The following DIP2A variants were observed in gnomAD, a reference collection of about 807,000 sequenced individuals.
DIP2A encodes the protein DIP2 acetate--CoA ligase A, also known as disco-interacting protein 2 homolog A.
DIP2A carries 85 observed loss-of-function variants against 177.4 expected under a neutral mutation model. The ratio of observed to expected loss-of-function variants is 0.48; its 90% CI spans 0.40 to 0.57. The LOEUF (loss-of-function observed/expected upper bound fraction) is 0.57, where lower values mean the gene tolerates loss of function less well. Among genes scored for constraint, DIP2A ranks in the 20% least tolerant of loss-of-function variants. The probability of loss-of-function intolerance (pLI) is 0.00; values close to 1 mark genes in which losing one functional copy is unlikely to be tolerated. For missense variants in DIP2A, 1,791 were observed against 2,100.2 expected, an observed-to-expected ratio of 0.85 and a Z score of 2.88; for synonymous variants, 886 against 881.8, an observed-to-expected ratio of 1.00 and a Z score of -0.08.
chr21:46,555,700 C>T, intron 28 of DIP2A: 1 of 450,264 alleles, frequency 2.2e-6, no homozygotes, highest in South Asian at 2.2e-5. Flanking sequence ...CTAATCTTTC[C>T]TACTGGTCAG....
chr21:46,496,687 A>G (rs11702701), intron 3 of DIP2A, among the ~76,000 whole-genome samples: 72,057 of 152,090 alleles, frequency 0.47, 18,399 homozygotes, highest in African/African-American at 0.67. Flanking sequence ...TTGAACAAGC[A>G]TGGTTTAAAC....
chr21:46,533,430 G>A, intron 10 of DIP2A, 94 bp from the exon 11 acceptor site: 2 of 1,432,710 alleles, frequency 1.4e-6, no homozygotes, highest in Non-Finnish European at 1.9e-6. Flanking sequence ...ATGAAAAAAA[G>A]ATCTGTTCTC....
Position 46,563,562 on chromosome 21 carries a change from C to T in DIP2A, c.4090-296C>T, listed in dbSNP as rs946445909. 1.4e-4 allele frequency: 52 copies of T among 370,170 alleles called. No individual in the cohort carries two copies. Among genetic ancestry groups the T allele is most frequent in the Middle Eastern group, 8.4e-4 (1 of 1,188 alleles). 22.9% of individuals were successfully genotyped at this position (370,170 alleles called of 1,614,324 possible). A position where few individuals can be genotyped will look rare whatever the true frequency, so the allele number is the denominator to read the frequency against. ...CCCCTGGATGGATGCCCATCAGGTG[C>T]GCTGGCATCACCTGGCTGATTGTCT... On this transcript the variant is annotated intron_variant, in intron 34 of 37. Transcript: ENST00000417564. The surrounding 1 kb of genome is among the most constrained non-coding windows in gnomAD (Gnocchi z 4.3).
intron 1 of DIP2A, among the ~76,000 whole-genome samples, chr21:46,467,092 C>T (rs985216537): frequency 6.6e-6 from 1 of 151,436 alleles, no homozygotes; most frequent in Non-Finnish European, 1.5e-5. Flanking sequence ...GTCAGGAGGT[C>T]GAGACCATCC....
chr21:46,485,820 C>G (rs902399973), intron 2 of DIP2A, among the ~76,000 whole-genome samples: 14 of 151,932 alleles, frequency 9.2e-5, no homozygotes, highest in African/African-American at 2.7e-4. Flanking sequence ...CGCCTGTAAT[C>G]CCAGCACTTT....
At chr21:46,545,784 G>A (rs888439332) in intron 19 of DIP2A, 97 bp from the exon 20 acceptor site, 18 of 1,392,648 alleles carry the variant, frequency 1.3e-5, no homozygotes, top group Admixed American at 5.3e-5. Context: ...GCCAGCAGGC[G>A]CACACGTGGT....
chr21:46,500,777 C>T (rs1199601392), intron 5 of DIP2A, among the ~76,000 whole-genome samples: 3 of 152,220 alleles, frequency 2.0e-5, no homozygotes, highest in Admixed American at 6.5e-5. Flanking sequence ...AAGCATTGAA[C>T]TCTAATGTGT....
At chr21:46,577,119 T>C in the DIP2A span, among the ~76,000 whole-genome samples, 1 of 152,254 alleles carries the variant, frequency 6.6e-6, no homozygotes, top group Admixed American at 6.5e-5. Flanking sequence ...GTGCAGAGGC[T>C]CTTCAGTTTA....
the DIP2A span, among the ~76,000 whole-genome samples, chr21:46,579,417 A>ATT: frequency 2.6e-5 from 4 of 151,736 alleles, no homozygotes; most frequent in Non-Finnish European, 4.4e-5. Flanking sequence ...GGATTCGTTG[A>ATT]TTTTTTTTGA....
intron 36 of DIP2A, among the ~76,000 whole-genome samples, chr21:46,566,304 G>A (rs1054044509): frequency 3.9e-5 from 6 of 152,178 alleles, no homozygotes; most frequent in African/African-American, 9.7e-5. Flanking sequence ...ATGGTGTCCC[G>A]TTCACAGAGA....
Position 46,515,825 on chromosome 21 carries a change from C to T in DIP2A, c.1102+4211C>T, listed in dbSNP as rs542827788. On this transcript the variant is annotated intron_variant, in intron 8 of 37. Transcript: ENST00000417564. Reference sequence around the variant, plus strand: ...TGCTGGGATTACAGGCGTGAGCTCCCATGCCCGGCCCATTGTTTTTTGTTT... The same window carrying T: ...TGCTGGGATTACAGGCGTGAGCTCCTATGCCCGGCCCATTGTTTTTTGTTT... 2.0e-4 allele frequency among the ~76,000 whole-genome samples: 30 copies of T among 152,300 alleles called. 1 individual carries two copies. The South Asian group carries it at 6.2e-3, about 32-fold the overall frequency.
chr21:46,565,680 A>G (rs769658045), intron 35 of DIP2A, 33 bp from the exon 36 acceptor site: 15 of 1,588,712 alleles, frequency 9.4e-6, no homozygotes, highest in Non-Finnish European at 1.3e-5. Context: ...GTGGTTGGTA[A>G]CACATCACAT....
At position 46,537,576 on chromosome 21, in the gene DIP2A, T is replaced by C; in HGVS notation, c.1801+37T>C. ...CATGGTCAGGGCCTTCACCCTTCTT[T>C]AGGGAAATCTCTTTGAACTGACCTT... On this transcript the variant is annotated intron_variant, in intron 15 of 37. Coordinates refer to ENST00000417564, the MANE Select transcript of DIP2A (RefSeq NM_015151.4). This position sits in a 1 kb window ranked among gnomAD's most constrained non-coding sequence, Gnocchi z 4.1. 1 of 1,592,310 alleles carries C rather than the reference T, an allele frequency of 6.3e-7. No individual in the cohort carries two copies. Among genetic ancestry groups the C allele is most frequent in the Non-Finnish European group, 8.6e-7 (1 of 1,162,564 alleles).
At chr21:46,487,280 A>G (rs1322101721) in intron 2 of DIP2A, among the ~76,000 whole-genome samples, 2 of 152,380 alleles carry the variant, frequency 1.3e-5, no homozygotes, top group East Asian at 1.9e-4. Context: ...GGCTCTTTAT[A>G]TGCTGATATT....
At position 46,565,697 on chromosome 21, in the gene DIP2A, C is replaced by T. The variant is rs1314457973; in HGVS notation, c.4165-16C>T. The T allele has an allele frequency of 8.7e-6, 14 of 1,609,768 alleles. No individual in the cohort carries two copies. The highest frequency in any genetic ancestry group is 1.2e-5 in the Non-Finnish European group (14 of 1,177,716). On this transcript the variant is annotated splice_polypyrimidine_tract_variant and intron_variant, in intron 35 of 37. Transcript: ENST00000417564. Reference sequence around the variant, plus strand: ...GGTTGGTAACACATCACATTCTTGTCCTCTGGGCCCACCAGATCTGGGTAA... The same window carrying T: ...GGTTGGTAACACATCACATTCTTGTTCTCTGGGCCCACCAGATCTGGGTAA...
At chr21:46,462,646 A>G (rs966657215) in intron 1 of DIP2A, 1 of 152,222 alleles carries the variant, frequency 6.6e-6, no homozygotes, top group Non-Finnish European at 1.5e-5. Flanking sequence ...TAACTTTTTT[A>G]TAGCATTCAC....
chr21:46,517,778 TTCA>T (rs2058652559), intron 8 of DIP2A, among the ~76,000 whole-genome samples: 1 of 152,224 alleles, frequency 6.6e-6, no homozygotes, highest in African/African-American at 2.4e-5. Flanking sequence ...TGCAGGTTTC[TTCA>T]TGTCCTGGTG....
chr21:46,484,354 A>C (rs1351515831), intron 1 of DIP2A, among the ~76,000 whole-genome samples: 3 of 152,216 alleles, frequency 2.0e-5, no homozygotes, highest in African/African-American at 7.2e-5. Context: ...ATGCTCATGT[A>C]ACCACCACTA....
At chr21:46,500,330 G>T (rs909449479) in intron 5 of DIP2A, among the ~76,000 whole-genome samples, 3 of 152,204 alleles carry the variant, frequency 2.0e-5, no homozygotes, top group African/African-American at 4.8e-5. Context: ...AAAACAGCCT[G>T]CTCAGATTGT....
Sources: gnomAD v4.1 joint callset for allele counts (sites outside exome capture counted in the v4.1 genomes callset) on GRCh38, gnomAD v4.1.1 for gene constraint, Gnocchi (gnomAD v3.1) non-coding constraint, MANE v1.5 for transcripts, NCBI Gene and HGNC (gene_info 2026-07-23, HGNC 2026-07-21) for gene names.